Variants in GALNT7 observed in about 807,000 individuals in gnomAD.
The protein encoded by GALNT7 is polypeptide N-acetylgalactosaminyltransferase 7, also known as N-acetylgalactosaminyltransferase 7.
In GALNT7, 60 loss-of-function variants were observed where a neutral mutation model predicts 82.1. The observed-to-expected ratio is 0.73, with a 90% CI of 0.59 to 0.91. The LOEUF (loss-of-function observed/expected upper bound fraction) is 0.91, where lower values mean the gene tolerates loss of function less well. GALNT7 is among the 40% of genes least tolerant of loss of function. GALNT7 has a pLI of 0.00. For synonymous variants in GALNT7, 243 were observed against 275.1 expected (o/e 0.88, Z 1.15); for missense variants, 660 against 804.2 (o/e 0.82, Z 2.17).
intron 11 of GALNT7, chr4:173,318,786 G>A (rs61470087): frequency 0.045 from 16,045 of 357,218 alleles, 559 homozygotes; most frequent in African/African-American, 0.11. Context: ...ATGAGGCCAC[G>A]ATGATGTCTA....
intron 2 of GALNT7, among the ~76,000 whole-genome samples, chr4:173,249,643 T>TG (rs1347043216): frequency 6.6e-6 from 1 of 152,212 alleles, no homozygotes; most frequent in African/African-American, 2.4e-5. Flanking sequence ...AAATACAAGA[T>TG]GCCCAATTAA....
At chr4:173,211,018 T>A (rs1449685332) in intron 1 of GALNT7, among the ~76,000 whole-genome samples, 1 of 152,176 alleles carries the variant, frequency 6.6e-6, no homozygotes, top group African/African-American at 2.4e-5. Context: ...TAAAAAATAT[T>A]GAGATGCCTT....
intron 1 of GALNT7, among the ~76,000 whole-genome samples, chr4:173,197,867 G>GACCCT (rs912710154): frequency 6.6e-6 from 1 of 152,136 alleles, no homozygotes; most frequent in African/African-American, 2.4e-5. Flanking sequence ...TTAGGGTGGT[G>GACCCT]AATTAGCTGG....
At chr4:173,278,381 G>C (rs1012032984) in intron 2 of GALNT7, among the ~76,000 whole-genome samples, 17 of 152,302 alleles carry the variant, frequency 1.1e-4, no homozygotes, top group African/African-American at 3.6e-4. Flanking sequence ...ACCTCTCAGG[G>C]AAAACACATA....
chr4:173,212,842 A>G (rs1175906649), intron 1 of GALNT7, among the ~76,000 whole-genome samples: 2 of 152,148 alleles, frequency 1.3e-5, no homozygotes, highest in African/African-American at 4.8e-5. Flanking sequence ...ATAGGACATT[A>G]AAGAGCATGA....
intron 2 of GALNT7, among the ~76,000 whole-genome samples, chr4:173,266,817 T>A (rs1173884185): frequency 6.7e-6 from 1 of 150,092 alleles, no homozygotes; most frequent in Non-Finnish European, 1.5e-5. Flanking sequence ...GCTAAAAAAT[T>A]TGATCTCATG....
rs185404000 is a variant in GALNT7 at position 173,263,469 on chromosome 4, G to C, written c.587+15029G>C. Reference sequence around the variant, plus strand: ...AAGAAAAACTTGATTTTATATTGCAGAAGTGCAGTCAACATCTGCACAAAC... The same window carrying C: ...AAGAAAAACTTGATTTTATATTGCACAAGTGCAGTCAACATCTGCACAAAC... On this transcript the variant is annotated intron_variant, in intron 2 of 11. Coordinates refer to ENST00000265000, the MANE Select transcript of GALNT7 (RefSeq NM_017423.3). Among the ~76,000 whole-genome samples, 429 of 152,260 alleles carry C rather than the reference G, an allele frequency of 2.8e-3. 1 individual carries two copies. The highest frequency in any genetic ancestry group is 9.6e-3 in the African/African-American group (401 of 41,556).
rs918420224 is a variant in GALNT7, at chr4:173,320,409, G to T, written c.1837-1171G>T. On this transcript the variant is annotated intron_variant, in intron 11 of 11. Coordinates refer to ENST00000265000, the MANE Select transcript of GALNT7 (RefSeq NM_017423.3). The surrounding 1 kb of genome is among the most constrained non-coding windows in gnomAD (Gnocchi z 4.1). ...CATTAATGTAAATGACATTTTTAATGAAAAATAACTATGTTTACCCACAAA... is the reference window on the plus strand; with the variant it reads ...CATTAATGTAAATGACATTTTTAATTAAAAATAACTATGTTTACCCACAAA... 3.9e-5 allele frequency among the ~76,000 whole-genome samples: 6 copies of T among 152,000 alleles called. No homozygotes were observed. Among genetic ancestry groups the T allele is most frequent in the African/African-American group, 1.4e-4 (6 of 41,410 alleles).
At chr4:173,224,805 G>T (rs967838050) in intron 1 of GALNT7, among the ~76,000 whole-genome samples, 2 of 151,678 alleles carry the variant, frequency 1.3e-5, no homozygotes, top group Non-Finnish European at 2.9e-5. Context: ...GAGGTCAGGA[G>T]ATCCAGACCA....
chr4:173,199,182 A>G (rs556618735), intron 1 of GALNT7, among the ~76,000 whole-genome samples: 6 of 152,336 alleles, frequency 3.9e-5, no homozygotes, highest in African/African-American at 1.4e-4. Flanking sequence ...TGACAGTTAC[A>G]TTTAAAGAGT....
intron 1 of GALNT7, among the ~76,000 whole-genome samples, chr4:173,184,035 A>C (rs1398103715): frequency 6.8e-6 from 1 of 147,072 alleles, no homozygotes; most frequent in Non-Finnish European, 1.5e-5. Context: ...CACATTCCAG[A>C]CGATGGGCGG....
Position 173,292,111 on chromosome 4 carries a change from C to A in GALNT7, c.591C>A (p.Cys197Ter). Reference sequence around the variant, plus strand: ...TGATGAAATTTTCTCTTTACAGATGCAAGTATTGGCATTATGATGAAAACT... The same window carrying A: ...TGATGAAATTTTCTCTTTACAGATGAAAGTATTGGCATTATGATGAAAACT... ...RSVNDLRQEE[C>*]KYWHYDENLL... is the part of the protein sequence containing the mutation. The change falls in exon 3 of 12, where the codon TGC becomes TGA. Residue 197 changes from cysteine to a stop codon, truncating the protein, a stop_gained. Transcript: ENST00000265000. LOFTEE classifies it high-confidence loss of function. This position sits in a 1 kb window ranked among gnomAD's most constrained non-coding sequence, Gnocchi z 4.8. The A allele has an allele frequency of 1.2e-6, 2 of 1,600,554 alleles. No individual in the cohort carries two copies. The highest frequency in any genetic ancestry group is 1.7e-6 in the Non-Finnish European group (2 of 1,171,682).
At chr4:173,308,288 T>C (rs1417559086) in intron 8 of GALNT7, among the ~76,000 whole-genome samples, 2 of 152,154 alleles carry the variant, frequency 1.3e-5, no homozygotes, top group African/African-American at 4.8e-5. Flanking sequence ...TCCCATTATA[T>C]CCCATTCTGA....
intron 1 of GALNT7, among the ~76,000 whole-genome samples, chr4:173,192,343 A>G (rs1732652990): frequency 6.6e-6 from 1 of 152,132 alleles, no homozygotes; most frequent in Non-Finnish European, 1.5e-5. Context: ...TACTTCAGCC[A>G]TATTGCTGAG....
intron 1 of GALNT7, among the ~76,000 whole-genome samples, chr4:173,245,642 TACA>T (rs1734599464): frequency 6.6e-6 from 1 of 152,178 alleles, no homozygotes; most frequent in Admixed American, 6.6e-5. Context: ...ACCAGTTTGT[TACA>T]ACATTTTATA....
intron 1 of GALNT7, among the ~76,000 whole-genome samples, chr4:173,211,026 C>G (rs993526943): frequency 6.6e-6 from 1 of 151,828 alleles, no homozygotes; most frequent in African/African-American, 2.4e-5. Context: ...ATTGAGATGC[C>G]TTACATTCTT....
chr4:173,194,467 T>C (rs951727073), intron 1 of GALNT7, among the ~76,000 whole-genome samples: 1 of 152,224 alleles, frequency 6.6e-6, no homozygotes, highest in African/African-American at 2.4e-5. Flanking sequence ...TTCTGTGGCT[T>C]TGAATGTAAA....
At chr4:173,231,440 G>A (rs2126709055) in intron 1 of GALNT7, among the ~76,000 whole-genome samples, 1 of 152,254 alleles carries the variant, frequency 6.6e-6, no homozygotes, top group South Asian at 2.1e-4. Flanking sequence ...AAGTTGTTTA[G>A]CATTGTGGCC....
At chr4:173,194,523 C>T (rs924651123) in intron 1 of GALNT7, among the ~76,000 whole-genome samples, 1 of 152,164 alleles carries the variant, frequency 6.6e-6, no homozygotes, top group Non-Finnish European at 1.5e-5. Context: ...ATGAAGTTTA[C>T]TAATAATAAA....
Sources: gnomAD v4.1 joint callset for allele counts (sites outside exome capture counted in the v4.1 genomes callset) on GRCh38, gnomAD v4.1.1 for gene constraint, Gnocchi (gnomAD v3.1) non-coding constraint, MANE v1.5 for transcripts, NCBI Gene and HGNC (gene_info 2026-07-23, HGNC 2026-07-21) for gene names.